PACRGL: variants seen among roughly 807,000 people sequenced by gnomAD.
The protein encoded by PACRGL is parkin coregulated like, also known as PACRG-like protein.
PACRGL carries 38 observed loss-of-function variants against 34.5 expected under a neutral mutation model. The observed-to-expected ratio is 1.10, with a 90% CI of 0.85 to 1.44. PACRGL has a LOEUF of 1.44. PACRGL is among the 40% of genes most tolerant of loss of function. PACRGL has a pLI of 0.00. For synonymous variants in PACRGL, 128 were observed against 100.1 expected (o/e 1.28, Z -1.66); for missense variants, 305 against 281.4 (o/e 1.08, Z -0.60).
intron 7 of PACRGL, among the ~76,000 whole-genome samples, chr4:20,714,019 T>G (rs1293044036): frequency 6.6e-6 from 1 of 152,166 alleles, no homozygotes; most frequent in Non-Finnish European, 1.5e-5. Context: ...TAGGTCTGCT[T>G]GGTGCAGAGG....
At position 20,730,410 on chromosome 4, in the gene PACRGL, TCATAATGCCAAAA is replaced by T. The variant is rs1747755590; in HGVS notation, c.*3070_*3082del. Among the ~76,000 whole-genome samples, 1 of 152,154 alleles carries T rather than the reference TCATAATGCCAAAA, an allele frequency of 6.6e-6. No individual in the cohort carries two copies. Among genetic ancestry groups the T allele is most frequent in the Non-Finnish European group, 1.5e-5 (1 of 68,024 alleles). ...GTATTAATAGAGGATATTTCTCAAA[TCATAATGCCAAAA>T]TGGAAACTACAGAGGTGCAGAGGTG... is the stretch of plus-strand genomic sequence containing the variant. On this transcript the variant is annotated 3_prime_UTR_variant, in exon 9 of 9. Transcript: ENST00000503585.
intron 8 of PACRGL, among the ~76,000 whole-genome samples, chr4:20,725,994 T>C (rs962208334): frequency 3.9e-5 from 6 of 152,096 alleles, no homozygotes; most frequent in South Asian, 2.1e-4. Flanking sequence ...CAAAATATAT[T>C]TCTCCTTTCT....
rs1320997262 is a variant in PACRGL, at chr4:20,721,376, G to A, written c.610-3432G>A. ...AGTTCCGTTTCTGGTGAGGAGTTGT[G>A]TTCCTTTGGAGGGGGAGAGGCGCTT... On this transcript the variant is annotated intron_variant, in intron 7 of 8. Coordinates refer to ENST00000503585, the MANE Select transcript of PACRGL (RefSeq NM_001258345.3). 2.0e-5 allele frequency among the ~76,000 whole-genome samples: 3 copies of A among 152,274 alleles called. No homozygotes were observed. The East Asian group carries it at 5.8e-4, about 29-fold the overall frequency.
At chr4:20,713,576 T>A in intron 7 of PACRGL, 37 bp downstream of exon 7, 2 of 1,490,106 alleles carry the variant, frequency 1.3e-6, no homozygotes, top group Non-Finnish European at 9.4e-7. Flanking sequence ...ATTGACTGTA[T>A]GTATCATGCA....
downstream of PACRGL, among the ~76,000 whole-genome samples, chr4:20,754,151 G>A (rs930582924): frequency 1.3e-5 from 2 of 152,166 alleles, no homozygotes; most frequent in Middle Eastern, 3.4e-3. Flanking sequence ...CTCTCTGCTT[G>A]CCTTACAGTA....
At chr4:20,714,836 G>C (rs987240839) in intron 7 of PACRGL, among the ~76,000 whole-genome samples, 7 of 152,248 alleles carry the variant, frequency 4.6e-5, no homozygotes, top group East Asian at 1.9e-4. Flanking sequence ...GAACTGTAAA[G>C]TAGTTCAACC....
At chr4:20,746,092 G>A (rs528583866) in intron 8 of PACRGL, among the ~76,000 whole-genome samples, 12 of 152,190 alleles carry the variant, frequency 7.9e-5, no homozygotes, top group Admixed American at 4.6e-4. Flanking sequence ...ATGTATTGCA[G>A]CACTATTCAC....
chr4:20,710,667 G>T (rs1373467794), intron 5 of PACRGL, among the ~76,000 whole-genome samples: 1 of 152,108 alleles, frequency 6.6e-6, no homozygotes, highest in East Asian at 1.9e-4. Flanking sequence ...CCAAGTGGGA[G>T]CAGAACTGAA....
chr4:20,718,536 A>T (rs1364399790), intron 7 of PACRGL, among the ~76,000 whole-genome samples: 1 of 152,192 alleles, frequency 6.6e-6, no homozygotes, highest in Non-Finnish European at 1.5e-5. Flanking sequence ...AGTTTTTAGC[A>T]TGAAGGGTTG....
intron 7 of PACRGL, among the ~76,000 whole-genome samples, chr4:20,714,813 T>G (rs1281600496): frequency 6.6e-6 from 1 of 152,184 alleles, no homozygotes; most frequent in African/African-American, 2.4e-5. Flanking sequence ...GGAACACTTT[T>G]ACACTGTTGG....
chr4:20,722,704 C>G (rs1355203460), intron 7 of PACRGL, among the ~76,000 whole-genome samples: 1 of 152,138 alleles, frequency 6.6e-6, no homozygotes, highest in Non-Finnish European at 1.5e-5. Flanking sequence ...TATAGACTAC[C>G]TGGTGTCACC....
rs1187203408 is a variant in PACRGL at position 20,724,706 on chromosome 4, T to G, written c.610-102T>G. On this transcript the variant is annotated intron_variant, in intron 7 of 8. Coordinates refer to ENST00000503585, the MANE Select transcript of PACRGL (RefSeq NM_001258345.3). Reference sequence around the variant, plus strand: ...ATGAGATGCTTCCTAAAAAAAGCCTTGAAATCTAAAACAAGGGGTGCTCCT... The same window carrying G: ...ATGAGATGCTTCCTAAAAAAAGCCTGGAAATCTAAAACAAGGGGTGCTCCT... The G allele has an allele frequency of 5.7e-6, 3 of 524,368 alleles. No homozygotes were observed. In the African/African-American group the frequency reaches 5.9e-5, roughly 10 times the overall value. 32.5% of individuals were successfully genotyped at this position (524,368 alleles called of 1,614,324 possible).
the PACRGL span, among the ~76,000 whole-genome samples, chr4:20,763,638 G>C: frequency 6.6e-6 from 1 of 152,186 alleles, no homozygotes; most frequent in Admixed American, 6.5e-5. Context: ...AAAGAGTTTG[G>C]AATATCTATC....
At chr4:20,740,614 A>C (rs112097075) in intron 8 of PACRGL, among the ~76,000 whole-genome samples, 115 of 152,362 alleles carry the variant, frequency 7.5e-4, no homozygotes, top group African/African-American at 2.7e-3. Context: ...CAGCCACTGC[A>C]AAAACATGCC....
At chr4:20,714,184 G>A (rs1738659870) in intron 7 of PACRGL, among the ~76,000 whole-genome samples, 1 of 152,180 alleles carries the variant, frequency 6.6e-6, no homozygotes, top group Non-Finnish European at 1.5e-5. Context: ...GGGTGCTCCT[G>A]TATTGGGTGC....
chr4:20,730,023 C>CT lies in PACRGL; in HGVS notation c.*2685dup. 6.4e-7 allele frequency: 1 copy of CT among 1,552,262 alleles called. No individual in the cohort carries two copies. The highest frequency in any genetic ancestry group is 1.3e-5 in the South Asian group (1 of 79,662). On this transcript the variant is annotated 3_prime_UTR_variant, in exon 9 of 9. Transcript: ENST00000503585. Reference sequence around the variant, plus strand: ...TCTATGCTAAAAGTGGTAGCTCCAACTTTAAGGGTGGTAGAATAGTTCACA... The same window carrying CT: ...TCTATGCTAAAAGTGGTAGCTCCAACTTTTAAGGGTGGTAGAATAGTTCACA...
downstream of PACRGL, among the ~76,000 whole-genome samples, chr4:20,753,883 A>G (rs886251740): frequency 8.7e-5 from 13 of 149,522 alleles, no homozygotes; most frequent in Non-Finnish European, 1.8e-4. Flanking sequence ...TTATTGACAG[A>G]TTATTCTGAC....
chr4:20,723,861 A>G (rs1385950519), intron 7 of PACRGL, among the ~76,000 whole-genome samples: 1 of 152,058 alleles, frequency 6.6e-6, no homozygotes, highest in Non-Finnish European at 1.5e-5. Context: ...TGTGAGGGTT[A>G]GTTCCTGGTC....
At position 20,724,895 on chromosome 4, in the gene PACRGL, A is replaced by G; in HGVS notation, c.690+7A>G. 1 of 1,436,720 alleles carries G rather than the reference A, an allele frequency of 7.0e-7. No individual in the cohort carries two copies. The highest frequency in any genetic ancestry group is 9.1e-7 in the Non-Finnish European group (1 of 1,098,838). 89.0% of individuals were successfully genotyped at this position (1,436,720 alleles called of 1,614,324 possible). A position where few individuals can be genotyped will look rare whatever the true frequency, so the allele number is the denominator to read the frequency against. On this transcript the variant is annotated splice_region_variant and intron_variant, in intron 8 of 8. Coordinates refer to ENST00000503585, the MANE Select transcript of PACRGL (RefSeq NM_001258345.3). ...AGAGCAACATGGTGGAAGTGTAAGTAGAATATTATTCCTTAAGTCTTTTTT... is the reference window on the plus strand; with the variant it reads ...AGAGCAACATGGTGGAAGTGTAAGTGGAATATTATTCCTTAAGTCTTTTTT...
Sources: gnomAD v4.1 joint callset for allele counts (sites outside exome capture counted in the v4.1 genomes callset) on GRCh38, gnomAD v4.1.1 for gene constraint, MANE v1.5 for transcripts, NCBI Gene and HGNC (gene_info 2026-07-23, HGNC 2026-07-21) for gene names.